GABRG3: variants seen among roughly 807,000 people sequenced by gnomAD.
The protein encoded by GABRG3 is gamma-aminobutyric acid type A receptor subunit gamma3.
In GABRG3, 25 loss-of-function variants were observed where a neutral mutation model predicts 48.8. That is an observed-to-expected ratio of 0.51 (90% CI 0.37 to 0.72). The LOEUF is 0.72. Among genes scored for constraint, GABRG3 ranks in the 30% least tolerant of loss-of-function variants. The pLI is 0.00. For missense variants in GABRG3, 394 were observed against 577.9 expected, an observed-to-expected ratio of 0.68 and a Z score of 3.26; for synonymous variants, 227 against 217.6, an observed-to-expected ratio of 1.04 and a Z score of -0.38.
intron 3 of GABRG3, among the ~76,000 whole-genome samples, chr15:27,119,048 A>G (rs1481541373): frequency 6.6e-6 from 1 of 152,172 alleles, no homozygotes; most frequent in East Asian, 1.9e-4. Context: ...TTCCACTATC[A>G]TAAGAACCTC....
At chr15:27,327,646 C>T (rs570939375) in intron 4 of GABRG3, among the ~76,000 whole-genome samples, 1 of 152,186 alleles carries the variant, frequency 6.6e-6, no homozygotes. Flanking sequence ...CCTGTCTGCT[C>T]GCCCAGCACA....
At chr15:27,343,034 T>C (rs530821225) in intron 5 of GABRG3, among the ~76,000 whole-genome samples, 1 of 152,248 alleles carries the variant, frequency 6.6e-6, no homozygotes, top group African/African-American at 2.4e-5. Flanking sequence ...ACCAAAACTA[T>C]CTCCAAGACC....
At chr15:27,022,276 C>T (rs886486503) in intron 2 of GABRG3, among the ~76,000 whole-genome samples, 7 of 152,204 alleles carry the variant, frequency 4.6e-5, no homozygotes, top group African/African-American at 1.7e-4. Flanking sequence ...AGGAGAACAT[C>T]TAGAATCAGA....
chr15:27,230,852 A>G (rs532502213), intron 3 of GABRG3, among the ~76,000 whole-genome samples: 4 of 152,342 alleles, frequency 2.6e-5, no homozygotes, highest in African/African-American at 9.6e-5. Flanking sequence ...CCCTGAGTTT[A>G]CCATTCTGTT....
chr15:27,188,721 C>A (rs1030427467), intron 3 of GABRG3, among the ~76,000 whole-genome samples: 295 of 152,234 alleles, frequency 1.9e-3, no homozygotes, highest in Non-Finnish European at 3.3e-3. Context: ...TGCAGAAGCT[C>A]TTTAGTTTCA....
At chr15:27,250,493 C>A (rs1279703823) in intron 3 of GABRG3, among the ~76,000 whole-genome samples, 1 of 152,142 alleles carries the variant, frequency 6.6e-6, no homozygotes, top group African/African-American at 2.4e-5. Context: ...GTGGTGCGAT[C>A]TTGGCTCACT....
intron 3 of GABRG3, among the ~76,000 whole-genome samples, chr15:27,307,926 T>G (rs1214770779): frequency 1.5e-5 from 2 of 135,988 alleles, no homozygotes; most frequent in South Asian, 4.6e-4. Context: ...TATATAAACA[T>G]ATGCTTGTAT....
intron 5 of GABRG3, chr15:27,420,578 G>A (rs1007936975): frequency 2.6e-5 from 4 of 152,150 alleles, no homozygotes; most frequent in African/African-American, 9.7e-5. Flanking sequence ...TGAGATGATG[G>A]ACATGTTAAT....
intron 5 of GABRG3, among the ~76,000 whole-genome samples, chr15:27,349,544 C>T (rs1177760214): frequency 6.6e-6 from 1 of 152,302 alleles, no homozygotes. Context: ...TCCTTGGCTT[C>T]CACTCTCAAT....
intron 3 of GABRG3, among the ~76,000 whole-genome samples, chr15:27,281,426 A>T (rs995762730): frequency 6.6e-6 from 1 of 151,860 alleles, no homozygotes; most frequent in Non-Finnish European, 1.5e-5. Flanking sequence ...GAAAAATTGA[A>T]AGGATAGCAT....
At chr15:27,210,497 T>G (rs1274320478) in intron 3 of GABRG3, among the ~76,000 whole-genome samples, 4 of 152,182 alleles carry the variant, frequency 2.6e-5, no homozygotes, top group Non-Finnish European at 5.9e-5. Flanking sequence ...CACATACACA[T>G]GCACACACGC....
At chr15:27,244,752 C>T (rs1255752707) in intron 3 of GABRG3, among the ~76,000 whole-genome samples, 1 of 152,094 alleles carries the variant, frequency 6.6e-6, no homozygotes, top group Non-Finnish European at 1.5e-5. Flanking sequence ...CACTGCCCTC[C>T]AGTCTGGCAC....
intron 5 of GABRG3, among the ~76,000 whole-genome samples, chr15:27,441,824 T>C (rs183266619): frequency 2.3e-4 from 35 of 152,306 alleles, no homozygotes; most frequent in African/African-American, 7.9e-4. Context: ...TTTAATGTTA[T>C]GTTTTTTTTA....
intron 5 of GABRG3, among the ~76,000 whole-genome samples, chr15:27,398,921 T>C (rs189276955): frequency 6.6e-5 from 10 of 152,154 alleles, no homozygotes; most frequent in African/African-American, 2.4e-4. Flanking sequence ...AAGGGGAAGT[T>C]TGAATAGCAA....
At chr15:27,070,914 C>T (rs1896816058) in intron 3 of GABRG3, among the ~76,000 whole-genome samples, 1 of 152,224 alleles carries the variant, frequency 6.6e-6, no homozygotes, top group Non-Finnish European at 1.5e-5. Flanking sequence ...CTGAACCCAG[C>T]TCCGCTTTGC....
intron 2 of GABRG3, among the ~76,000 whole-genome samples, chr15:27,010,360 C>T: frequency 6.6e-6 from 1 of 152,206 alleles, no homozygotes; most frequent in South Asian, 2.1e-4. Flanking sequence ...AGGGTGATAA[C>T]TTTAGCAATC....
chr15:27,122,305 C>T (rs1254546636), intron 3 of GABRG3, among the ~76,000 whole-genome samples: 1 of 152,112 alleles, frequency 6.6e-6, no homozygotes, highest in East Asian at 1.9e-4. Flanking sequence ...TAGATACTAA[C>T]ATTTATGTGC....
chr15:27,085,158 C>A (rs533101438), intron 3 of GABRG3, among the ~76,000 whole-genome samples: 1 of 152,184 alleles, frequency 6.6e-6, no homozygotes, highest in Non-Finnish European at 1.5e-5. Flanking sequence ...GTCATTCTGA[C>A]ACTTGTGTGA....
chr15:27,389,515 T>C lies in GABRG3; in HGVS notation c.574+60627T>C, dbSNP rs931293303. ...GGGTTATTTTGATAAATAAAGTATGTTGTTGGAGTGTGTGTAGTCCTCAGA... is the reference window on the plus strand; with the variant it reads ...GGGTTATTTTGATAAATAAAGTATGCTGTTGGAGTGTGTGTAGTCCTCAGA... On this transcript the variant is annotated intron_variant, in intron 5 of 9. Transcript: ENST00000615808. Among the ~76,000 whole-genome samples the C allele has an allele frequency of 2.0e-5, 3 of 152,244 alleles. 1 individual carries two copies. Among genetic ancestry groups the C allele is most frequent in the Non-Finnish European group, 4.4e-5 (3 of 68,040 alleles).
Sources: allele counts gnomAD v4.1 joint callset (sites outside exome capture counted in the v4.1 genomes callset), GRCh38; gene constraint gnomAD v4.1.1; transcripts MANE v1.5; gene names NCBI Gene and HGNC (gene_info 2026-07-23, HGNC 2026-07-21).